Variants in GGT5 observed in about 807,000 individuals in gnomAD.
The protein encoded by GGT5 is gamma-glutamyltransferase 5, also known as glutathione hydrolase 5 proenzyme.
A neutral mutation model predicts 58.1 loss-of-function variants in GGT5; 50 were observed. That is an observed-to-expected ratio of 0.86 (90% CI 0.69 to 1.09). The LOEUF is 1.09. Ranked by LOEUF, GGT5 falls within the 50% of genes least tolerant of loss-of-function variation. The pLI is 0.00. For synonymous variants in GGT5, 370 were observed against 346.1 expected (o/e 1.07, Z -0.77); for missense variants, 800 against 789.4 (o/e 1.01, Z -0.16).
intron 6 of GGT5, among the ~76,000 whole-genome samples, chr22:24,230,563 TTAATAATAA>T: frequency 6.6e-6 from 1 of 150,930 alleles, no homozygotes; most frequent in Non-Finnish European, 1.5e-5. Context: ...GTCTCAATAA[TTAATAATAA>T]TAATAATAAT....
chr22:24,221,652 C>T (rs1333562479), intron 11 of GGT5, among the ~76,000 whole-genome samples: 1 of 152,176 alleles, frequency 6.6e-6, no homozygotes. Flanking sequence ...GCTGGGATTA[C>T]AGATGCCTGC....
rs371764380 is a variant in GGT5, at chr22:24,244,783, T to G, written c.-58A>C. 4,603 of 1,532,694 alleles carry G rather than the reference T, an allele frequency of 3.0e-3. 39 individuals carry two copies. The Middle Eastern group carries it at 0.032, about 11-fold the overall frequency. 94.9% of individuals were successfully genotyped at this position (1,532,694 alleles called of 1,614,324 possible). A position where few individuals can be genotyped will look rare whatever the true frequency, so the allele number is the denominator to read the frequency against. On this transcript the variant is annotated 5_prime_UTR_variant, in exon 1 of 12. Coordinates refer to ENST00000327365, the MANE Select transcript of GGT5 (RefSeq NM_004121.5). ...GTGGGCAGACGGAGGGACGGATGGG[T>G]GGGCAGATGAATGGACAAGAAGATG...
intron 6 of GGT5, among the ~76,000 whole-genome samples, chr22:24,229,117 A>G (rs906493226): frequency 2.3e-4 from 34 of 146,442 alleles, no homozygotes; most frequent in African/African-American, 8.2e-4. Context: ...GGAATGATAT[A>G]ATGGGGCCCA....
At chr22:24,221,271 C>A (rs34213657) in intron 11 of GGT5, among the ~76,000 whole-genome samples, 13,750 of 152,012 alleles carry the variant, frequency 0.09, 796 homozygotes, top group African/African-American at 0.16. Context: ...CTCACATTAG[C>A]CACAAGATTA....
At chr22:24,244,353 A>C in intron 1 of GGT5, 200 bp downstream of exon 1, 2 of 586,950 alleles carry the variant, frequency 3.4e-6, no homozygotes, top group Non-Finnish European at 6.1e-6. Context: ...ACAATCACAC[A>C]CATTCACACA....
rs1223173105 is a variant in GGT5, at chr22:24,220,113, C to T, written c.1618G>A (p.Val540Met). ...CCACGGTCTTGGAGTCCCCTCTGCA[C>T]CTCCTGGAGAGGAGAGAAAGCAGGT... ...VEYEPNFSQEVQRGLQDRGQN... is the reference protein window; with the variant it reads ...VEYEPNFSQEMQRGLQDRGQN... The change falls in exon 12 of 12, where the codon GTG becomes ATG. Residue 540 changes from valine to methionine, a missense_variant. Physicochemically the swap from Val to Met is conservative, Grantham distance 21. Coordinates refer to ENST00000327365, the MANE Select transcript of GGT5 (RefSeq NM_004121.5). 6 of 1,613,832 alleles carry T rather than the reference C, an allele frequency of 3.7e-6. No individual in the cohort carries two copies. The highest frequency in any genetic ancestry group is 5.1e-6 in the Non-Finnish European group (6 of 1,179,906).
chr22:24,244,001 C>G (rs1190483100), intron 1 of GGT5: 3 of 154,016 alleles, frequency 1.9e-5, no homozygotes, highest in Non-Finnish European at 4.3e-5. Context: ...ACCCATGACC[C>G]TGGGAGAAGA....
chr22:24,220,534 T>G (rs759324658), intron 11 of GGT5: 2 of 457,948 alleles, frequency 4.4e-6, no homozygotes, highest in Non-Finnish European at 8.7e-6. Flanking sequence ...GGAGGATCAC[T>G]TGAGGCCAGG....
At chr22:24,240,046 A>G (rs1392561142) in intron 1 of GGT5, among the ~76,000 whole-genome samples, 3 of 152,198 alleles carry the variant, frequency 2.0e-5, no homozygotes, top group Non-Finnish European at 4.4e-5. Context: ...AGATTGCTCC[A>G]CTGCACTCCA....
intron 11 of GGT5, among the ~76,000 whole-genome samples, chr22:24,223,492 C>G (rs73396308): frequency 6.6e-6 from 1 of 152,092 alleles, no homozygotes; most frequent in Non-Finnish European, 1.5e-5. Context: ...CCCTGGAACC[C>G]GAGAGCCCTG....
At chr22:24,238,474 G>A (rs1268014856) in intron 1 of GGT5, among the ~76,000 whole-genome samples, 1 of 150,706 alleles carries the variant, frequency 6.6e-6, no homozygotes, top group Non-Finnish European at 1.5e-5. Context: ...GGTGGAGGTT[G>A]CAGTGAGCAG....
rs1305550327 is a variant in GGT5 at position 24,238,933 on chromosome 22, TTATATA to T, written c.174-4935_174-4930del. Reference sequence around the variant, plus strand: ...ATATATATTATATATATAATATATATTATATAATATATATATATATATATAATATAT... The same window carrying T: ...ATATATATTATATATATAATATATATATATATATATATATATATAATATAT... On this transcript the variant is annotated intron_variant, in intron 1 of 11. Transcript: ENST00000327365. Among the ~76,000 whole-genome samples the T allele has an allele frequency of 3.1e-3, 64 of 20,400 alleles. 3 individuals are homozygous for T. The highest frequency in any genetic ancestry group is 0.013 in the African/African-American group (57 of 4,532). The allele number at this position is 20,400 out of a possible 152,430, so 13.4% of individuals were successfully genotyped here.
In GGT5 at chr22:24,238,832, TTTATA is replaced by T. The variant is rs1459847844; in HGVS notation, c.174-4833_174-4829del. Among the ~76,000 whole-genome samples the T allele has an allele frequency of 6.7e-3, 78 of 11,686 alleles. 4 individuals carry two copies. Among genetic ancestry groups the T allele is most frequent in the Non-Finnish European group, 8.2e-3 (65 of 7,956 alleles). 7.7% of individuals were successfully genotyped at this position (11,686 alleles called of 152,430 possible). A position where few individuals can be genotyped will look rare whatever the true frequency, so the allele number is the denominator to read the frequency against. ...AATATATTATATATATATATATATA[TTTATA>T]TATATATATTATATATATTATATAT... is the stretch of plus-strand genomic sequence containing the variant. On this transcript the variant is annotated intron_variant, in intron 1 of 11. Transcript: ENST00000327365.
Position 24,222,220 on chromosome 22 carries a change from A to C in GGT5, c.1615-2104T>G, listed in dbSNP as rs137876941. Among the ~76,000 whole-genome samples, 1,066 of 152,084 alleles carry C rather than the reference A, an allele frequency of 7.0e-3. 15 individuals are homozygous for C. The highest frequency in any genetic ancestry group is 0.024 in the African/African-American group (1,007 of 41,464). On this transcript the variant is annotated intron_variant, in intron 11 of 11. Coordinates refer to ENST00000327365, the MANE Select transcript of GGT5 (RefSeq NM_004121.5). ...AAAAACAAAACAAAACAAAACAAAA[A>C]AAACTAATGGCCCGAGAACCTCACC...
chr22:24,244,487 C>T (rs2048417913), intron 1 of GGT5, 66 bp downstream of exon 1: 4 of 1,368,964 alleles, frequency 2.9e-6, no homozygotes, highest in South Asian at 2.5e-5. Flanking sequence ...CACACACACA[C>T]ACACGCCTTC....
intron 1 of GGT5, among the ~76,000 whole-genome samples, chr22:24,235,050 C>CTTTTTTTT (rs71189232): frequency 1.3e-5 from 1 of 75,662 alleles, no homozygotes; most frequent in Non-Finnish European, 2.5e-5. Context: ...AAGAAGCCAG[C>CTTTTTTTT]TTTTTTTTTT....
Position 24,244,991 on chromosome 22 carries a change from C to T in GGT5, c.-266G>A, listed in dbSNP as rs1301968574. 3.6e-5 allele frequency: 18 copies of T among 506,106 alleles called. No homozygotes were observed. The highest frequency in any genetic ancestry group is 6.2e-5 in the Non-Finnish European group (18 of 290,142). 31.4% of individuals were successfully genotyped at this position (506,106 alleles called of 1,614,324 possible). A position where few individuals can be genotyped will look rare whatever the true frequency, so the allele number is the denominator to read the frequency against. The stretch of plus-strand genomic sequence containing the variant: ...CGGACAGACAGACAGGTCTGAACAG[C>T]GGGCTGCCAGATGGACAGATGGGTG... On this transcript the variant is annotated 5_prime_UTR_variant, in exon 1 of 12. Coordinates refer to ENST00000327365, the MANE Select transcript of GGT5 (RefSeq NM_004121.5).
intron 11 of GGT5, among the ~76,000 whole-genome samples, chr22:24,223,092 A>C (rs2047649331): frequency 6.6e-6 from 1 of 151,534 alleles, no homozygotes; most frequent in African/African-American, 2.4e-5. Context: ...TCCGTCTCAA[A>C]AAAAAGAAAA....
At chr22:24,230,020 G>T (rs1467854412) in intron 6 of GGT5, among the ~76,000 whole-genome samples, 1 of 151,176 alleles carries the variant, frequency 6.6e-6, no homozygotes, top group Non-Finnish European at 1.5e-5. Flanking sequence ...GTCAGTTAAG[G>T]TCAAGAGTTC....
Sources: allele counts gnomAD v4.1 joint callset (sites outside exome capture counted in the v4.1 genomes callset), GRCh38; gene constraint gnomAD v4.1.1; transcripts MANE v1.5; gene names NCBI Gene and HGNC (gene_info 2026-07-23, HGNC 2026-07-21).